PMF1: variants seen among roughly 807,000 people sequenced by gnomAD.
PMF1 encodes the protein polyamine modulated factor 1.
In PMF1, 21 loss-of-function variants were observed where a neutral mutation model predicts 26.7. The observed-to-expected ratio is 0.79, with a 90% CI of 0.56 to 1.13. PMF1 has a LOEUF of 1.13. PMF1 is among the 50% of genes most tolerant of loss of function. PMF1 has a pLI of 0.00. For missense variants in PMF1, 266 were observed against 254.9 expected (o/e 1.04, Z -0.30); for synonymous variants, 105 against 101.0 (o/e 1.04, Z -0.24).
At chr1:156,236,175 A>G in intron 3 of PMF1, 113 bp from the exon 4 acceptor site, 1 of 1,457,944 alleles carries the variant, frequency 6.9e-7, no homozygotes, top group Non-Finnish European at 9.3e-7. Context: ...CTGGGAAGCC[A>G]GCCCAACTTG....
chr1:156,233,511 C>T, intron 2 of PMF1, 117 bp from the exon 3 acceptor site: 1 of 959,684 alleles, frequency 1.0e-6, no homozygotes, highest in African/African-American at 1.7e-5. Context: ...TCAGGGAAAG[C>T]ATAAAGACCT....
At chr1:156,213,623 C>G (rs148273075) in intron 1 of PMF1, among the ~76,000 whole-genome samples, 1,530 of 152,242 alleles carry the variant, frequency 0.01, 28 homozygotes, top group African/African-American at 0.035. Flanking sequence ...TGCTCCCGCG[C>G]CCGGCTACAG....
At chr1:156,220,403 G>A (rs560235244) in intron 1 of PMF1, among the ~76,000 whole-genome samples, 1 of 151,992 alleles carries the variant, frequency 6.6e-6, no homozygotes, top group East Asian at 1.9e-4. Flanking sequence ...TTGTAGAAAT[G>A]GGGTCTTGCT....
In PMF1 at chr1:156,222,846, T is replaced by C. The variant is rs116148151; in HGVS notation, c.162-9474T>C. ...AGTTCTTAGATGCCATACTTAGAGA[T>C]GTCCTTGTGGTTCAGTCTTCTGGCC... On this transcript the variant is annotated intron_variant, in intron 1 of 4. Coordinates refer to ENST00000368277, the MANE Select transcript of PMF1 (RefSeq NM_007221.4). 7.2e-3 allele frequency among the ~76,000 whole-genome samples: 1,102 copies of C among 152,350 alleles called. 8 individuals carry two copies. Among genetic ancestry groups the C allele is most frequent in the Non-Finnish European group, 1.0e-2 (677 of 68,028 alleles).
intron 1 of PMF1, among the ~76,000 whole-genome samples, chr1:156,228,255 G>A (rs1272112083): frequency 5.9e-5 from 3 of 51,242 alleles, no homozygotes; most frequent in Non-Finnish European, 1.2e-4. Context: ...CGCACCTGGC[G>A]ATTTTTTTTT....
At chr1:156,231,334 G>A (rs890103364) in intron 1 of PMF1, among the ~76,000 whole-genome samples, 7 of 151,916 alleles carry the variant, frequency 4.6e-5, no homozygotes, top group African/African-American at 1.7e-4. Context: ...AGTTGGAGTT[G>A]GAGGTTGCAG....
chr1:156,231,572 G>A (rs949375596), intron 1 of PMF1, among the ~76,000 whole-genome samples: 3 of 151,752 alleles, frequency 2.0e-5, no homozygotes, highest in Non-Finnish European at 4.4e-5. Flanking sequence ...GCGTGGTGGC[G>A]GGTGCCTGTA....
At chr1:156,238,470 A>G (rs906508740) in intron 4 of PMF1, among the ~76,000 whole-genome samples, 2 of 152,222 alleles carry the variant, frequency 1.3e-5, no homozygotes, top group Admixed American at 6.5e-5. Flanking sequence ...CTGCACCACA[A>G]TGAGACAGAT....
At chr1:156,220,023 G>A (rs1443588002) in intron 1 of PMF1, among the ~76,000 whole-genome samples, 1 of 150,706 alleles carries the variant, frequency 6.6e-6, no homozygotes. Context: ...GAGTGCAGTG[G>A]CGCTGTCTCC....
intron 1 of PMF1, among the ~76,000 whole-genome samples, chr1:156,227,547 A>T (rs1265104470): frequency 6.7e-6 from 1 of 148,444 alleles, no homozygotes; most frequent in African/African-American, 2.5e-5. Context: ...CCCAGGCTAG[A>T]GTATAGTGGT....
At chr1:156,230,776 G>A (rs1450586316) in intron 1 of PMF1, among the ~76,000 whole-genome samples, 1 of 152,120 alleles carries the variant, frequency 6.6e-6, no homozygotes. Context: ...TTAAAATCAG[G>A]CTTGGCTGGG....
At chr1:156,224,023 C>T (rs1222859753) in intron 1 of PMF1, 2 of 152,190 alleles carry the variant, frequency 1.3e-5, no homozygotes, top group Non-Finnish European at 2.9e-5. Context: ...CACAAAGTTT[C>T]TTCCATCTTT....
At chr1:156,214,232 A>G (rs1290750132) in intron 1 of PMF1, among the ~76,000 whole-genome samples, 1 of 152,116 alleles carries the variant, frequency 6.6e-6, no homozygotes, top group Non-Finnish European at 1.5e-5. Flanking sequence ...TATATAATTT[A>G]TATGACTCGA....
Position 156,232,417 on chromosome 1 carries a change from T to C in PMF1, c.259T>C (p.Ser87Pro), listed in dbSNP as rs772522149. The C allele has an allele frequency of 6.2e-7, 1 of 1,613,850 alleles. No homozygotes were observed. The highest frequency in any genetic ancestry group is 8.5e-7 in the Non-Finnish European group (1 of 1,179,776). The change falls in exon 2 of 5, where the codon TCT (serine) becomes CCT (proline). Residue 87 changes from serine to proline, a missense_variant. Ser to Pro is a moderately conservative substitution (Grantham distance 74, BLOSUM62 -1). Coordinates refer to ENST00000368277, the MANE Select transcript of PMF1 (RefSeq NM_007221.4). ...YDKFIAQLQT[S>P]IREEISDIKE... is the part of the protein sequence containing the mutation. ...CAAGTTTATAGCTCAGTTGCAGACATCTATCCGGGTGAGTGGCGGGAAGCC... is the reference window on the plus strand; with the variant it reads ...CAAGTTTATAGCTCAGTTGCAGACACCTATCCGGGTGAGTGGCGGGAAGCC...
At chr1:156,224,713 G>A (rs1264212222) in intron 1 of PMF1, among the ~76,000 whole-genome samples, 1 of 151,568 alleles carries the variant, frequency 6.6e-6, no homozygotes, top group Non-Finnish European at 1.5e-5. Flanking sequence ...GTAGTGAGCC[G>A]AGATCGCGCC....
chr1:156,224,284 G>T (rs937900773), intron 1 of PMF1, among the ~76,000 whole-genome samples: 8 of 152,048 alleles, frequency 5.3e-5, no homozygotes, highest in Admixed American at 4.6e-4. Flanking sequence ...TCATTTCTTT[G>T]TGGTGAGAAC....
chr1:156,230,885 T>C (rs1002429588), intron 1 of PMF1, among the ~76,000 whole-genome samples: 10 of 150,344 alleles, frequency 6.7e-5, no homozygotes, highest in African/African-American at 2.5e-4. Context: ...GGCAATACAG[T>C]GAGACCGCGA....
chr1:156,226,303 T>C (rs1438294319), intron 1 of PMF1, among the ~76,000 whole-genome samples: 2 of 152,244 alleles, frequency 1.3e-5, no homozygotes, highest in African/African-American at 2.4e-5. Flanking sequence ...AATATAGTCA[T>C]CTCAGTTTTG....
chr1:156,229,446 A>G (rs1658572542), intron 1 of PMF1, among the ~76,000 whole-genome samples: 1 of 151,840 alleles, frequency 6.6e-6, no homozygotes, highest in Admixed American at 6.6e-5. Context: ...GCTGGGCAGC[A>G]GCTACCTTGA....
Sources: gnomAD v4.1 joint callset for allele counts (sites outside exome capture counted in the v4.1 genomes callset) on GRCh38, gnomAD v4.1.1 for gene constraint, MANE v1.5 for transcripts, NCBI Gene and HGNC (gene_info 2026-07-23, HGNC 2026-07-21) for gene names.